Variants in SSX5 observed in about 807,000 individuals in gnomAD.
SSX5 encodes SSX family member 5.
Under a neutral mutation model 14.9 loss-of-function variants are expected in SSX5, and 14 were observed. That is an observed-to-expected ratio of 0.94 (90% CI 0.62 to 1.47). The LOEUF (loss-of-function observed/expected upper bound fraction) is 1.47, where lower values mean the gene tolerates loss of function less well. SSX5 is among the 40% of genes most tolerant of loss of function. The pLI is 0.00. For missense variants in SSX5, 204 were observed against 154.6 expected (o/e 1.32, Z -1.70); for synonymous variants, 70 against 55.4 (o/e 1.26, Z -1.17).
rs781808587 is a variant in SSX5, at chrX:48,187,271, T to G, written c.*4+356A>C. On this transcript the variant is annotated intron_variant, in intron 7 of 7. Coordinates refer to ENST00000347757, the MANE Select transcript of SSX5 (RefSeq NM_175723.2). ...GAGATTGAGACCATTCTGGCTGACA[T>G]GGCGAAACCCTGTCTCTACTAAAAA... Among the ~76,000 whole-genome samples, 9 of 110,628 alleles carry G rather than the reference T, an allele frequency of 8.1e-5. No individual in the cohort carries two copies. The East Asian group carries it at 2.3e-3, about 28-fold the overall frequency.
At position 48,195,498 on chromosome X, in the gene SSX5, G is replaced by A. The variant is rs191842369; in HGVS notation, c.-20-120C>T. On this transcript the variant is annotated intron_variant, in intron 1 of 7. Coordinates refer to ENST00000347757, the MANE Select transcript of SSX5 (RefSeq NM_175723.2). ...AATCAGGAGTTGCATTTCTCCATCC[G>A]TGGCTTATCTGTCCCTGAGTAAGGC... The A allele has an allele frequency of 3.2e-4, 230 of 727,145 alleles. 1 individual carries two copies. The East Asian group carries it at 6.2e-3, about 20-fold the overall frequency. 59.9% of individuals were successfully genotyped at this position (727,145 alleles called of 1,213,427 possible).
chrX:48,187,988 C>T (rs1424114775), intron 6 of SSX5, among the ~76,000 whole-genome samples: 1 of 112,251 alleles, frequency 8.9e-6, no homozygotes, highest in South Asian at 3.7e-4. Flanking sequence ...GATTCCCAAC[C>T]TCTTCACTTA....
chrX:48,189,885 T>C (rs1260214526), intron 6 of SSX5, among the ~76,000 whole-genome samples: 4 of 112,076 alleles, frequency 3.6e-5, no homozygotes, highest in African/African-American at 1.3e-4. Flanking sequence ...ATTTCCAACT[T>C]ATAAACTAGG....
intron 6 of SSX5, 86 bp from the exon 7 acceptor site, chrX:48,187,817 C>T: frequency 9.2e-7 from 1 of 1,086,617 alleles, no homozygotes; most frequent in South Asian, 2.0e-5. Context: ...CTGTTTTCTC[C>T]AAAAAAGGAG....
intron 6 of SSX5, among the ~76,000 whole-genome samples, chrX:48,188,697 C>G (rs141199029): frequency 1.9e-3 from 208 of 112,055 alleles, no homozygotes; most frequent in African/African-American, 6.4e-3. Flanking sequence ...CACTTTAAAT[C>G]AGAAGCTAGA....
rs1272884140 is a variant in SSX5, at chrX:48,194,762, C to G, written c.162G>C (p.Lys54Asn). ...TACCTAGTTTAGTCATGGCCTCATA[C>G]TTTCTCTTCATATACACATAGATGA... ...EKIIYVYMKR[K>N]YEAMTKLGFK... Residue 54 changes from lysine (K) to asparagine (N), a missense_variant, in exon 3 of 8, where the codon AAG becomes AAC. Physicochemically the swap from Lys to Asn is moderately conservative, Grantham distance 94. Coordinates refer to ENST00000347757, the MANE Select transcript of SSX5 (RefSeq NM_175723.2). The G allele has an allele frequency of 9.9e-6, 12 of 1,208,065 alleles. No individual in the cohort carries two copies. Among genetic ancestry groups the G allele is most frequent in the Admixed American group, 8.8e-5 (4 of 45,580 alleles).
intron 1 of SSX5, among the ~76,000 whole-genome samples, chrX:48,195,585 G>A (rs2059437915): frequency 8.9e-6 from 1 of 111,881 alleles, no homozygotes; most frequent in South Asian, 3.8e-4. Context: ...ATTGATTGGG[G>A]ATGACATGTT....
At position 48,194,795 on chromosome X, in the gene SSX5, C is replaced by T. The variant is rs141125717; in HGVS notation, c.129G>A (p.Ser43=). The T allele has an allele frequency of 7.0e-4, 847 of 1,208,593 alleles. 3 individuals are homozygous for T. Among genetic ancestry groups the T allele is most frequent in the Admixed American group, 6.1e-4 (28 of 45,601 alleles). The change falls in exon 3 of 8, where the codon TCG becomes TCA. Residue 43 remains serine (S), a synonymous_variant. Transcript: ENST00000347757. ...SEKEWEKMKA[S]EKIIYVYMKR... is the part of the protein sequence containing the mutation. ...TCATATACACATAGATGATTTTCTC[C>T]GAGGCTTTCATCTTTTCCCACTCTT... is the stretch of plus-strand genomic sequence containing the variant.
intron 5 of SSX5, among the ~76,000 whole-genome samples, chrX:48,190,768 A>T (rs1556924613): frequency 9.0e-6 from 1 of 111,436 alleles, no homozygotes; most frequent in Admixed American, 9.6e-5. Flanking sequence ...GCTGAAATTA[A>T]TCCAGGCAGC....
At position 48,187,464 on chromosome X, in the gene SSX5, C is replaced by CA. The variant is rs200731189; in HGVS notation, c.*4+162dup. Among the ~76,000 whole-genome samples, 760 of 104,611 alleles carry CA rather than the reference C, an allele frequency of 7.3e-3. 5 individuals are homozygous for CA. The highest frequency in any genetic ancestry group is 0.024 in the African/African-American group (711 of 29,201). 90.8% of individuals were successfully genotyped at this position (104,611 alleles called of 115,157 possible). The stretch of plus-strand genomic sequence containing the variant: ...GAACAAAAGGAGACTCCCCCACCCA[C>CA]AAAAAAAAACATGGGAAATTTCATC... On this transcript the variant is annotated intron_variant, in intron 7 of 7. Transcript: ENST00000347757.
intron 6 of SSX5, among the ~76,000 whole-genome samples, chrX:48,189,052 G>A (rs142964401): frequency 1.8e-5 from 2 of 111,788 alleles, no homozygotes; most frequent in Non-Finnish European, 3.8e-5. Flanking sequence ...CAGGAGAAAC[G>A]TGTGAAGCTA....
chrX:48,186,683 A>T lies in SSX5; in HGVS notation c.*178T>A. On this transcript the variant is annotated 3_prime_UTR_variant, in exon 8 of 8. Transcript: ENST00000347757. ...CACTGTAACAAAATACAACAGAAAC[A>T]CTAACATCGAACTCTTGGCACACTA... 1 of 907,045 alleles carries T rather than the reference A, an allele frequency of 1.1e-6. No homozygotes were observed. Among genetic ancestry groups the T allele is most frequent in the Non-Finnish European group, 1.6e-6 (1 of 644,257 alleles). 74.8% of individuals were successfully genotyped at this position (907,045 alleles called of 1,213,427 possible). A position where few individuals can be genotyped will look rare whatever the true frequency, so the allele number is the denominator to read the frequency against.
intron 1 of SSX5, among the ~76,000 whole-genome samples, chrX:48,195,844 T>C (rs1193023447): frequency 9.0e-6 from 1 of 111,601 alleles, no homozygotes; most frequent in African/African-American, 3.3e-5. Flanking sequence ...ATGGGGGTTC[T>C]GTTCTGTTGA....
chrX:48,187,575 A>G, intron 7 of SSX5, 52 bp downstream of exon 7: 1 of 1,157,392 alleles, frequency 8.6e-7, no homozygotes, highest in Non-Finnish European at 1.2e-6. Flanking sequence ...CAGTACCATA[A>G]CAGAATAGCA....
intron 1 of SSX5, among the ~76,000 whole-genome samples, chrX:48,195,586 A>G (rs1339144852): frequency 1.2e-4 from 13 of 111,835 alleles, no homozygotes; most frequent in Non-Finnish European, 2.3e-4. Context: ...TTGATTGGGG[A>G]TGACATGTTT....
chrX:48,187,542 G>T, intron 7 of SSX5, 85 bp downstream of exon 7: 1 of 1,055,753 alleles, frequency 9.5e-7, no homozygotes, highest in African/African-American at 1.8e-5. Context: ...ATGATTTGGG[G>T]AACAACTGAT....
At chrX:48,189,387 T>G (rs183187250) in intron 6 of SSX5, among the ~76,000 whole-genome samples, 2 of 42,136 alleles carry the variant, frequency 4.7e-5, no homozygotes, top group African/African-American at 1.2e-4. Context: ...CTAATCGATG[T>G]GGCAAATTTC....
Position 48,190,184 on chromosome X carries a change from G to A in SSX5, c.415C>T (p.Leu139=). 8.3e-7 allele frequency: 1 copy of A among 1,210,587 alleles called. No homozygotes were observed. The highest frequency in any genetic ancestry group is 1.1e-6 in the Non-Finnish European group (1 of 894,862). ...GTATTTAGTTTTCCTGAGGGGCGCA[G>A]CTGTTTCCCATTGTTCTGTGGGCCA... ...ASGPQNNGKQ[L]RPSGKLNTSE... The change falls in exon 6 of 8, where the codon CTG becomes TTG. Residue 139 remains leucine, a synonymous_variant. Transcript: ENST00000347757.
chrX:48,195,311 T>A lies in SSX5; in HGVS notation c.48A>T (p.Gln16His). ...TCACCTTTTGCATCTTCTCTGGTATTTGAGAACCAACCCTAGGTCTCCGTA... is the reference window on the plus strand; with the variant it reads ...TCACCTTTTGCATCTTCTCTGGTATATGAGAACCAACCCTAGGTCTCCGTA... ...AFVRRPRVGS[Q>H]IPEKMQKAFD... Residue 16 changes from glutamine to histidine, a missense_variant, in exon 2 of 8, where the codon CAA (glutamine) becomes CAT (histidine). By Grantham distance (24) the Gln-to-His change is conservative (BLOSUM62 0). Coordinates refer to ENST00000347757, the MANE Select transcript of SSX5 (RefSeq NM_175723.2). 8.3e-7 allele frequency: 1 copy of A among 1,211,755 alleles called. No homozygotes were observed. Among genetic ancestry groups the A allele is most frequent in the African/African-American group, 1.7e-5 (1 of 57,810 alleles).
Sources: gnomAD v4.1 joint callset for allele counts (sites outside exome capture counted in the v4.1 genomes callset) on GRCh38, gnomAD v4.1.1 for gene constraint, MANE v1.5 for transcripts, NCBI Gene and HGNC (gene_info 2026-07-23, HGNC 2026-07-21) for gene names.